CSGALNACT1: variants seen among roughly 807,000 people sequenced by gnomAD.
CSGALNACT1 encodes the protein chondroitin sulfate N-acetylgalactosaminyltransferase 1, also known as beta4GalNAcT-1.
In CSGALNACT1, 52 loss-of-function variants were observed where a neutral mutation model predicts 51.0. The ratio of observed to expected loss-of-function variants is 1.02; its 90% confidence interval spans 0.82 to 1.29. The LOEUF (loss-of-function observed/expected upper bound fraction) is 1.29. Among genes scored for constraint, CSGALNACT1 ranks in the 50% most tolerant of loss-of-function variants. The pLI, the probability that CSGALNACT1 is intolerant of heterozygous loss-of-function variation, is 0.00. For missense variants in CSGALNACT1, 935 were observed against 679.2 expected (o/e 1.38, Z -4.19); for synonymous variants, 341 against 254.4 (o/e 1.34, Z -3.24).
intron 3 of CSGALNACT1, among the ~76,000 whole-genome samples, chr8:19,576,307 T>C (rs1358962817): frequency 1.6e-5 from 1 of 63,222 alleles, no homozygotes; most frequent in Non-Finnish European, 3.0e-5. Context: ...GAGATTCTCC[T>C]GCCTCAGCCT....
Position 19,408,572 on chromosome 8 carries a change from C to T in CSGALNACT1, c.1309+41G>A, listed in dbSNP as rs747851353. 20 of 1,555,626 alleles carry T rather than the reference C, an allele frequency of 1.3e-5. No individual in the cohort carries two copies. In the East Asian group the frequency reaches 1.8e-4, roughly 14 times the overall value. On this transcript the variant is annotated intron_variant, in intron 9 of 9. Transcript: ENST00000454498. ...GATTCCTTCAAGGCCTACATGGGCCCGTGGCCTCTGGGTGGCAGTAGAGAT... is the reference window on the plus strand; with the variant it reads ...GATTCCTTCAAGGCCTACATGGGCCTGTGGCCTCTGGGTGGCAGTAGAGAT...
intron 4 of CSGALNACT1, among the ~76,000 whole-genome samples, chr8:19,465,476 A>C (rs1287373458): frequency 6.6e-6 from 1 of 151,866 alleles, no homozygotes; most frequent in Admixed American, 6.6e-5. Context: ...ACTGTCCACT[A>C]AAAAATGCTT....
intron 3 of CSGALNACT1, among the ~76,000 whole-genome samples, chr8:19,526,121 T>TAC (rs1180731531): frequency 2.0e-5 from 3 of 152,208 alleles, no homozygotes; most frequent in Non-Finnish European, 4.4e-5. Context: ...TGTCATATCC[T>TAC]ACCTCCCGCT....
At chr8:19,422,471 C>G (rs2058099038) in intron 6 of CSGALNACT1, among the ~76,000 whole-genome samples, 5 of 152,186 alleles carry the variant, frequency 3.3e-5, no homozygotes, top group Admixed American at 3.3e-4. Flanking sequence ...GCATGAGATA[C>G]CACACCTGGA....
exon 10 of CSGALNACT1, chr8:19,404,969 T>C (rs1460528677): frequency 2.2e-6 from 1 of 454,026 alleles, no homozygotes; most frequent in African/African-American, 2.0e-5. Context: ...CCTGACAGAA[T>C]CAGCATTTGG....
In CSGALNACT1 at chr8:19,634,756, G is replaced by C. The variant is rs545118730; in HGVS notation, c.-543-32891C>G. 2.1e-3 allele frequency among the ~76,000 whole-genome samples: 317 copies of C among 152,258 alleles called. 3 individuals are homozygous for C. Among genetic ancestry groups the C allele is most frequent in the African/African-American group, 7.4e-3 (307 of 41,544 alleles). ...AAGGCAGTCATCTACAAGCCAATAA[G>C]AGAGCCCTTACCAGGAAGCAAAGTG... On this transcript the variant is annotated intron_variant, in intron 1 of 9. Coordinates refer to the CSGALNACT1 transcript ENST00000332246.
intron 6 of CSGALNACT1, among the ~76,000 whole-genome samples, chr8:19,437,700 G>T (rs772186864): frequency 6.6e-6 from 1 of 152,118 alleles, no homozygotes; most frequent in African/African-American, 2.4e-5. Flanking sequence ...CCAGGTATAG[G>T]TATATACATA....
intron 1 of CSGALNACT1, among the ~76,000 whole-genome samples, chr8:19,618,086 C>G (rs963647563): frequency 6.6e-6 from 1 of 151,916 alleles, no homozygotes; most frequent in Non-Finnish European, 1.5e-5. Context: ...ACTACATCGC[C>G]CAGGCTGGTC....
At chr8:19,578,909 C>G (rs961361368) in intron 3 of CSGALNACT1, among the ~76,000 whole-genome samples, 13 of 152,176 alleles carry the variant, frequency 8.5e-5, no homozygotes, top group African/African-American at 3.1e-4. Flanking sequence ...TTACATCATA[C>G]TTTCTCTTGG....
intron 3 of CSGALNACT1, among the ~76,000 whole-genome samples, chr8:19,559,785 G>A (rs928843479): frequency 2.2e-4 from 34 of 152,294 alleles, no homozygotes; most frequent in Non-Finnish European, 4.3e-4. Flanking sequence ...CTTCAGTAGA[G>A]AAAGACAACA....
exon 5 of CSGALNACT1, chr8:19,458,506 G>T (rs771823161): frequency 3.1e-6 from 5 of 1,614,188 alleles, no homozygotes; most frequent in Non-Finnish European, 8.5e-7. Context: ...TGTTGGCCAT[G>T]TTGAGCTTTT....
At chr8:19,474,434 G>A (rs1309809594) in intron 4 of CSGALNACT1, among the ~76,000 whole-genome samples, 1 of 152,056 alleles carries the variant, frequency 6.6e-6, no homozygotes, top group African/African-American at 2.4e-5. Context: ...TGTTTTAAGT[G>A]GAATCGAAAT....
intron 1 of CSGALNACT1, among the ~76,000 whole-genome samples, chr8:19,639,377 G>C (rs1453642321): frequency 6.6e-6 from 1 of 152,140 alleles, no homozygotes. Context: ...TGAGAATTTT[G>C]CTCCCAATTT....
At chr8:19,440,912 T>A (rs2061229592) in intron 5 of CSGALNACT1, among the ~76,000 whole-genome samples, 1 of 152,160 alleles carries the variant, frequency 6.6e-6, no homozygotes, top group African/African-American at 2.4e-5. Flanking sequence ...CAAGCATTCT[T>A]ATACACCAAT....
intron 2 of CSGALNACT1, among the ~76,000 whole-genome samples, chr8:19,601,257 T>C (rs2050367710): frequency 6.6e-6 from 1 of 152,246 alleles, no homozygotes; most frequent in Non-Finnish European, 1.5e-5. Context: ...CTCTAGACAG[T>C]GTCCCTCTAA....
chr8:19,456,089 C>T (rs1427761247), intron 5 of CSGALNACT1, among the ~76,000 whole-genome samples: 3 of 152,200 alleles, frequency 2.0e-5, no homozygotes, highest in East Asian at 3.8e-4. Flanking sequence ...AATCACGTTT[C>T]ATTTCACCCG....
intron 1 of CSGALNACT1, among the ~76,000 whole-genome samples, chr8:19,659,338 A>G (rs1297197281): frequency 6.6e-6 from 1 of 152,178 alleles, no homozygotes; most frequent in Non-Finnish European, 1.5e-5. Context: ...CTTCATCCCA[A>G]CTATGTCAGA....
At chr8:19,661,756 C>T (rs939462222) in intron 1 of CSGALNACT1, among the ~76,000 whole-genome samples, 1 of 152,134 alleles carries the variant, frequency 6.6e-6, no homozygotes, top group African/African-American at 2.4e-5. Context: ...CAGGTAAGGT[C>T]TTCATTTCCA....
At chr8:19,567,799 T>A (rs1356201426) in intron 3 of CSGALNACT1, among the ~76,000 whole-genome samples, 1 of 152,196 alleles carries the variant, frequency 6.6e-6, no homozygotes, top group Non-Finnish European at 1.5e-5. Context: ...TTAACAACGT[T>A]GTTAGATGTA....
Sources: allele counts gnomAD v4.1 joint callset (sites outside exome capture counted in the v4.1 genomes callset), GRCh38; gene constraint gnomAD v4.1.1; transcripts MANE v1.5; gene names NCBI Gene and HGNC (gene_info 2026-07-23, HGNC 2026-07-21).